NEXMIF: variants seen among roughly 807,000 people sequenced by gnomAD.
NEXMIF encodes the protein XLMR protein related to neurite extension.
NEXMIF carries 8 observed loss-of-function variants against 62.1 expected under a neutral mutation model. That is an observed-to-expected ratio of 0.13 (90% CI 0.08 to 0.23). NEXMIF has a LOEUF of 0.23. NEXMIF is among the 10% of genes least tolerant of loss of function. NEXMIF has a pLI of 1.00. For missense variants in NEXMIF, 976 were observed against 1,113.3 expected, an observed-to-expected ratio of 0.88 and a Z score of 1.75; for synonymous variants, 404 against 416.6, an observed-to-expected ratio of 0.97 and a Z score of 0.37.
intron 1 of NEXMIF, among the ~76,000 whole-genome samples, chrX:74,878,367 C>G (rs2080647266): frequency 8.9e-6 from 1 of 112,121 alleles, no homozygotes; most frequent in Non-Finnish European, 1.9e-5. Context: ...CAGCTGCGTG[C>G]TGGGAGAACC....
intron 1 of NEXMIF, among the ~76,000 whole-genome samples, chrX:74,782,950 T>G (rs1479007291): frequency 8.9e-6 from 1 of 111,900 alleles, no homozygotes; most frequent in African/African-American, 3.2e-5. Context: ...TTCAAGCATT[T>G]GTTTGTTTTC....
chrX:74,734,405 C>A lies in NEXMIF; in HGVS notation c.*5000G>T, dbSNP rs776598943. The A allele has an allele frequency of 8.9e-6, 1 of 112,437 alleles. No individual in the cohort carries two copies. The highest frequency in any genetic ancestry group is 3.7e-4 in the South Asian group (1 of 2,668). 9.3% of individuals were successfully genotyped at this position (112,437 alleles called of 1,213,427 possible). A position where few individuals can be genotyped will look rare whatever the true frequency, so the allele number is the denominator to read the frequency against. ...AGTAGAGCATCTTAAGATTTCTACTCTCCTCACTGGGAGTGAAAAACAAAA... is the reference window on the plus strand; with the variant it reads ...AGTAGAGCATCTTAAGATTTCTACTATCCTCACTGGGAGTGAAAAACAAAA... On this transcript the variant is annotated 3_prime_UTR_variant, in exon 4 of 4. Transcript: ENST00000055682.
In NEXMIF at chrX:74,842,907, T is replaced by A. The variant is rs759084253; in HGVS notation, c.-48+81976A>T. Among the ~76,000 whole-genome samples, 189 of 112,302 alleles carry A rather than the reference T, an allele frequency of 1.7e-3. 1 individual carries two copies. Among genetic ancestry groups the A allele is most frequent in the African/African-American group, 5.9e-3 (184 of 30,941 alleles). The stretch of plus-strand genomic sequence containing the variant: ...TTATGTCTAATTATGTGGTCAGTTT[T>A]AGAGTATGTGCCACGTGGCAATGAG... On this transcript the variant is annotated intron_variant, in intron 1 of 3. Transcript: ENST00000055682.
intron 1 of NEXMIF, among the ~76,000 whole-genome samples, chrX:74,891,170 C>T (rs190023689): frequency 1.2e-3 from 133 of 111,701 alleles, no homozygotes; most frequent in African/African-American, 4.3e-3. Context: ...AAAACTCTTG[C>T]TCCACTTACT....
In NEXMIF at chrX:74,791,340, C is replaced by G. The variant is rs142570433; in HGVS notation, c.-47-45643G>C. ...CAGGGATGAAGCCCACTTGATCATG[C>G]TGGATAAGCTTTTTGATGTGCTGCT... On this transcript the variant is annotated intron_variant, in intron 1 of 3. Coordinates refer to ENST00000055682, the MANE Select transcript of NEXMIF (RefSeq NM_001008537.3). 3.2e-3 allele frequency among the ~76,000 whole-genome samples: 357 copies of G among 111,420 alleles called. 1 individual carries two copies. The highest frequency in any genetic ancestry group is 5.6e-3 in the Non-Finnish European group (298 of 52,996).
At chrX:74,877,284 G>T (rs1317643447) in intron 1 of NEXMIF, among the ~76,000 whole-genome samples, 1 of 111,423 alleles carries the variant, frequency 9.0e-6, no homozygotes, top group South Asian at 3.8e-4. Context: ...ATTCTGGGTT[G>T]AAAATTCTTT....
intron 1 of NEXMIF, among the ~76,000 whole-genome samples, chrX:74,790,261 G>A (rs1206531285): frequency 9.1e-6 from 1 of 109,391 alleles, no homozygotes; most frequent in African/African-American, 3.3e-5. Flanking sequence ...GTTTTTCTCA[G>A]GTTTGTCAAA....
At chrX:74,794,435 C>G (rs1322535435) in intron 1 of NEXMIF, among the ~76,000 whole-genome samples, 2 of 110,518 alleles carry the variant, frequency 1.8e-5, no homozygotes, top group Non-Finnish European at 3.8e-5. Flanking sequence ...TTTTGTTTGT[C>G]TGTGCCCTGC....
chrX:74,761,556 T>C (rs2080176005), intron 1 of NEXMIF, among the ~76,000 whole-genome samples: 1 of 111,817 alleles, frequency 8.9e-6, no homozygotes, highest in Admixed American at 9.5e-5. Context: ...TTCTGTGGTG[T>C]CAGTGGTAAC....
At chrX:74,831,525 T>A (rs906578320) in intron 1 of NEXMIF, among the ~76,000 whole-genome samples, 3 of 110,171 alleles carry the variant, frequency 2.7e-5, no homozygotes, top group Non-Finnish European at 5.7e-5. Context: ...ACATGAACTC[T>A]TCATTTTTTA....
chrX:74,860,995 C>T (rs1279619698), intron 1 of NEXMIF, among the ~76,000 whole-genome samples: 1 of 111,519 alleles, frequency 9.0e-6, no homozygotes, highest in Admixed American at 9.5e-5. Context: ...AACTGACAAA[C>T]CTTTAGTTAG....
intron 1 of NEXMIF, among the ~76,000 whole-genome samples, chrX:74,873,842 T>C (rs1219989988): frequency 9.0e-6 from 1 of 111,714 alleles, no homozygotes; most frequent in Non-Finnish European, 1.9e-5. Flanking sequence ...TGGGGTTGTT[T>C]GTTTTTTTCT....
intron 1 of NEXMIF, among the ~76,000 whole-genome samples, chrX:74,827,958 T>C (rs1051375652): frequency 8.9e-6 from 1 of 111,809 alleles, no homozygotes; most frequent in Non-Finnish European, 1.9e-5. Flanking sequence ...AGATATCCCA[T>C]AAAATTGGTG....
intron 1 of NEXMIF, among the ~76,000 whole-genome samples, chrX:74,901,555 C>A (rs2080749578): frequency 9.2e-6 from 1 of 109,208 alleles, no homozygotes; most frequent in Non-Finnish European, 1.9e-5. Flanking sequence ...GAGAATTCTG[C>A]TGGACAAAGT....
intron 1 of NEXMIF, among the ~76,000 whole-genome samples, chrX:74,842,579 A>C (rs1395095284): frequency 9.0e-6 from 1 of 111,162 alleles, no homozygotes; most frequent in African/African-American, 3.3e-5. Context: ...TTAATTTGAG[A>C]TCTTTCTAAC....
At chrX:74,865,990 A>G (rs772493727) in intron 1 of NEXMIF, among the ~76,000 whole-genome samples, 1 of 111,680 alleles carries the variant, frequency 9.0e-6, no homozygotes, top group East Asian at 2.8e-4. Flanking sequence ...GTCCCCACAC[A>G]GAATCTCCAC....
chrX:74,844,879 C>T (rs1002618524), intron 1 of NEXMIF, among the ~76,000 whole-genome samples: 1 of 112,227 alleles, frequency 8.9e-6, no homozygotes, highest in Admixed American at 9.4e-5. Flanking sequence ...TTAATTATAT[C>T]TATTAATACA....
chrX:74,824,473 C>T (rs1475919278), intron 1 of NEXMIF, among the ~76,000 whole-genome samples: 3 of 111,857 alleles, frequency 2.7e-5, no homozygotes, highest in Non-Finnish European at 5.6e-5. Flanking sequence ...AATAGCATTC[C>T]ATTGTGTATA....
intron 1 of NEXMIF, among the ~76,000 whole-genome samples, chrX:74,799,565 A>G (rs1445794049): frequency 1.8e-5 from 2 of 112,321 alleles, no homozygotes; most frequent in African/African-American, 6.5e-5. Flanking sequence ...AAACAAATAC[A>G]TACTTCCTCA....
Sources: allele counts gnomAD v4.1 joint callset (sites outside exome capture counted in the v4.1 genomes callset), GRCh38; gene constraint gnomAD v4.1.1; transcripts MANE v1.5; gene names NCBI Gene and HGNC (gene_info 2026-07-23, HGNC 2026-07-21).